Variants in ZNF33B observed in about 807,000 individuals in gnomAD.
ZNF33B encodes zinc finger protein 11b (KOX 2).
A neutral mutation model predicts 45.8 loss-of-function variants in ZNF33B; 29 were observed. The observed-to-expected ratio is 0.63, with a 90% CI of 0.47 to 0.86. ZNF33B has a LOEUF of 0.86. Ranked by LOEUF, ZNF33B falls within the 40% of genes least tolerant of loss-of-function variation. ZNF33B has a pLI of 0.00. For synonymous variants in ZNF33B, 305 were observed against 307.8 expected, an observed-to-expected ratio of 0.99 and a Z score of 0.10; for missense variants, 831 against 909.9, an observed-to-expected ratio of 0.91 and a Z score of 1.12.
At chr10:42,603,765 C>T (rs1416616854) in intron 4 of ZNF33B, among the ~76,000 whole-genome samples, 2 of 151,116 alleles carry the variant, frequency 1.3e-5, no homozygotes, top group Non-Finnish European at 3.0e-5. Context: ...GGCAGACAGG[C>T]TAACACAGCA....
downstream of ZNF33B, among the ~76,000 whole-genome samples, chr10:42,584,164 C>T (rs1836881711): frequency 2.6e-5 from 4 of 152,228 alleles, no homozygotes; most frequent in South Asian, 8.3e-4. Context: ...GATCTCTCCT[C>T]TCAGGACCCA....
At chr10:42,633,581 G>A (rs1469436506) in intron 2 of ZNF33B, among the ~76,000 whole-genome samples, 2 of 152,182 alleles carry the variant, frequency 1.3e-5, no homozygotes, top group African/African-American at 4.8e-5. Flanking sequence ...ATGAACAGCT[G>A]CTCAGATACT....
chr10:42,635,809 C>CAAAA (rs35517157), intron 2 of ZNF33B, among the ~76,000 whole-genome samples: 8 of 102,904 alleles, frequency 7.8e-5, no homozygotes, highest in Non-Finnish European at 1.5e-4. Flanking sequence ...ACTCTGTATC[C>CAAAA]AAAAAAAAAA....
chr10:42,624,440 T>C (rs1838714595), intron 4 of ZNF33B, among the ~76,000 whole-genome samples: 1 of 152,196 alleles, frequency 6.6e-6, no homozygotes, highest in Non-Finnish European at 1.5e-5. Flanking sequence ...CAGTAGTCAC[T>C]CCTTATCCAA....
In ZNF33B at chr10:42,636,961, C is replaced by A; in HGVS notation, c.-33G>T. 6.2e-7 allele frequency: 1 copy of A among 1,614,098 alleles called. No homozygotes were observed. Among genetic ancestry groups the A allele is most frequent in the Non-Finnish European group, 8.5e-7 (1 of 1,180,004 alleles). Reference sequence around the variant, plus strand: ...TGTTCTTGGAAAGACGGAGACAACTCTGAAGATACAGCTGAGTTGGAAAAA... The same window carrying A: ...TGTTCTTGGAAAGACGGAGACAACTATGAAGATACAGCTGAGTTGGAAAAA... On this transcript the variant is annotated 5_prime_UTR_variant, in exon 2 of 5. Transcript: ENST00000359467.
At chr10:42,618,613 G>A (rs528330460) in intron 4 of ZNF33B, among the ~76,000 whole-genome samples, 1 of 152,060 alleles carries the variant, frequency 6.6e-6, no homozygotes, top group African/African-American at 2.4e-5. Flanking sequence ...TTATAAGGCA[G>A]GTCAAATAAG....
chr10:42,606,206 T>C (rs1188282771), intron 4 of ZNF33B, among the ~76,000 whole-genome samples: 1 of 151,522 alleles, frequency 6.6e-6, no homozygotes, highest in Non-Finnish European at 1.5e-5. Flanking sequence ...GGCTCATGCC[T>C]GTAATCCCAG....
chr10:42,595,464 TA>T (rs1162821258), intron 4 of ZNF33B, among the ~76,000 whole-genome samples: 2 of 152,018 alleles, frequency 1.3e-5, no homozygotes, highest in African/African-American at 2.4e-5. Flanking sequence ...CAAGTCTTAT[TA>T]AAGACTTATT....
downstream of ZNF33B, among the ~76,000 whole-genome samples, chr10:42,584,266 GAC>G (rs376998301): frequency 3.5e-4 from 54 of 152,334 alleles, no homozygotes; most frequent in Non-Finnish European, 6.6e-4. Context: ...GAATGACAAG[GAC>G]AGTGACAGCA....
rs1329111581 is a variant in ZNF33B at position 42,590,156 on chromosome 10, A to G, written c.*2457T>C. 2 of 152,216 alleles carry G rather than the reference A, an allele frequency of 1.3e-5. No individual in the cohort carries two copies. The highest frequency in any genetic ancestry group is 2.9e-5 in the Non-Finnish European group (2 of 68,034). 9.4% of individuals were successfully genotyped at this position (152,216 alleles called of 1,614,324 possible). ...TTGCTAACATTTTAAGGATTTCTGC[A>G]TCTGTGTTCACTGGAAATATTGATC... On this transcript the variant is annotated 3_prime_UTR_variant, in exon 5 of 5. Transcript: ENST00000359467.
intron 4 of ZNF33B, among the ~76,000 whole-genome samples, chr10:42,614,813 G>T (rs2132106700): frequency 6.6e-6 from 1 of 152,164 alleles, no homozygotes; most frequent in Middle Eastern, 3.4e-3. Context: ...AATTAGCCAG[G>T]CGTGGTGGTG....
At position 42,601,908 on chromosome 10, in the gene ZNF33B, C is replaced by CTT. The variant is rs34431290; in HGVS notation, c.251-7211_251-7210dup. On this transcript the variant is annotated intron_variant, in intron 4 of 4. Transcript: ENST00000359467. ...ATTAATTCTTGCTCTATGTGATATT[C>CTT]TTTTTTTTTTTTTTTTTTTTTTGGG... 8.0e-3 allele frequency among the ~76,000 whole-genome samples: 605 copies of CTT among 75,322 alleles called. 1 individual carries two copies. Among genetic ancestry groups the CTT allele is most frequent in the African/African-American group, 0.028 (539 of 19,426 alleles). 49.4% of individuals were successfully genotyped at this position (75,322 alleles called of 152,430 possible). A position where few individuals can be genotyped will look rare whatever the true frequency, so the allele number is the denominator to read the frequency against.
intron 4 of ZNF33B, among the ~76,000 whole-genome samples, chr10:42,625,371 A>G (rs565897645): frequency 4.4e-5 from 6 of 135,352 alleles, no homozygotes; most frequent in East Asian, 4.9e-4. Context: ...TTAGATTTGT[A>G]TATGTTCATT....
At chr10:42,618,612 A>G (rs1468979992) in intron 4 of ZNF33B, among the ~76,000 whole-genome samples, 1 of 152,236 alleles carries the variant, frequency 6.6e-6, no homozygotes, top group Non-Finnish European at 1.5e-5. Context: ...TTTATAAGGC[A>G]GGTCAAATAA....
chr10:42,609,158 G>A (rs1199698776), intron 4 of ZNF33B, among the ~76,000 whole-genome samples: 5 of 152,180 alleles, frequency 3.3e-5, no homozygotes, highest in Non-Finnish European at 1.5e-5. Flanking sequence ...GCTCATGCCT[G>A]TAATCCTACA....
chr10:42,638,517 G>GACCCCTGAA lies in ZNF33B; in HGVS notation c.-97_-89dup, dbSNP rs1245022609. On this transcript the variant is annotated 5_prime_UTR_variant, in exon 1 of 5. Transcript: ENST00000359467. Reference sequence around the variant, plus strand: ...TGCATTCGCCATAAGAGAGCCGGTAGACCCCTGAAATCCCGGGACCGCCTC... The same window carrying GACCCCTGAA: ...TGCATTCGCCATAAGAGAGCCGGTAGACCCCTGAAACCCCTGAAATCCCGGGACCGCCTC... 2.1e-6 allele frequency: 1 copy of GACCCCTGAA among 483,596 alleles called. No individual in the cohort carries two copies. The highest frequency in any genetic ancestry group is 6.0e-5 in the East Asian group (1 of 16,540). 30.0% of individuals were successfully genotyped at this position (483,596 alleles called of 1,614,324 possible). A position where few individuals can be genotyped will look rare whatever the true frequency, so the allele number is the denominator to read the frequency against.
chr10:42,601,307 C>T (rs1452736701), intron 4 of ZNF33B, among the ~76,000 whole-genome samples: 2 of 151,970 alleles, frequency 1.3e-5, no homozygotes, highest in Non-Finnish European at 2.9e-5. Flanking sequence ...GTTTGACGAG[C>T]TTCTTAGATC....
chr10:42,626,831 T>G (rs554889482), intron 4 of ZNF33B, among the ~76,000 whole-genome samples: 1 of 152,268 alleles, frequency 6.6e-6, no homozygotes, highest in African/African-American at 2.4e-5. Context: ...AACTCTCTAG[T>G]ACACAGAAAT....
At chr10:42,612,697 A>C (rs1450445684) in intron 4 of ZNF33B, among the ~76,000 whole-genome samples, 1 of 152,212 alleles carries the variant, frequency 6.6e-6, no homozygotes, top group East Asian at 1.9e-4. Context: ...TTTTAGGATT[A>C]GAGAAAAAAT....
Sources: gnomAD v4.1 joint callset for allele counts (sites outside exome capture counted in the v4.1 genomes callset) on GRCh38, gnomAD v4.1.1 for gene constraint, MANE v1.5 for transcripts, NCBI Gene and HGNC (gene_info 2026-07-23, HGNC 2026-07-21) for gene names.